The following CTNNA2 variants were observed in gnomAD, a reference collection of about 807,000 sequenced individuals.
CTNNA2 encodes catenin alpha-2.
A neutral mutation model predicts 101.0 loss-of-function variants in CTNNA2; 42 were observed. The observed-to-expected ratio is 0.42, with a 90% CI of 0.32 to 0.54. The LOEUF (loss-of-function observed/expected upper bound fraction) is 0.54. Ranked by LOEUF, CTNNA2 falls within the 20% of genes least tolerant of loss-of-function variation. CTNNA2 has a pLI of 0.14. For missense variants in CTNNA2, 871 were observed against 1,223.1 expected, an observed-to-expected ratio of 0.71 and a Z score of 4.29; for synonymous variants, 450 against 456.4, an observed-to-expected ratio of 0.99 and a Z score of 0.18.
At chr2:79,473,407 G>C (rs181109592) in intron 4 of CTNNA2, among the ~76,000 whole-genome samples, 1 of 151,542 alleles carries the variant, frequency 6.6e-6, no homozygotes, top group Non-Finnish European at 1.5e-5. Flanking sequence ...CAATCTCTCT[G>C]TCTCTCTCCC....
chr2:79,994,505 C>T (rs112274622), intron 7 of CTNNA2, among the ~76,000 whole-genome samples: 54 of 152,100 alleles, frequency 3.6e-4, no homozygotes, highest in Non-Finnish European at 6.0e-4. Flanking sequence ...ATGGCTAGCT[C>T]ACCTTCCAGA....
intron 7 of CTNNA2, among the ~76,000 whole-genome samples, chr2:80,248,264 A>T (rs1671488333): frequency 6.6e-6 from 1 of 152,150 alleles, no homozygotes; most frequent in South Asian, 2.1e-4. Context: ...ATGGAATTTT[A>T]GACTTAGTCT....
At chr2:79,895,359 G>A (rs181123404) in intron 6 of CTNNA2, among the ~76,000 whole-genome samples, 4 of 152,174 alleles carry the variant, frequency 2.6e-5, no homozygotes, top group African/African-American at 9.6e-5. Flanking sequence ...CTTGCGGCCC[G>A]TGAACACATT....
intron 7 of CTNNA2, among the ~76,000 whole-genome samples, chr2:80,274,581 A>C (rs1673748450): frequency 6.6e-6 from 1 of 152,212 alleles, no homozygotes; most frequent in Admixed American, 6.5e-5. Context: ...TTCCTAAAGA[A>C]CTAATCAAGC....
At chr2:79,617,947 T>C (rs1257598884) in intron 1 of CTNNA2, among the ~76,000 whole-genome samples, 1 of 152,166 alleles carries the variant, frequency 6.6e-6, no homozygotes, top group African/African-American at 2.4e-5. Flanking sequence ...TCAAAAAGGA[T>C]TTTGTCTCTG....
intron 7 of CTNNA2, among the ~76,000 whole-genome samples, chr2:80,316,315 G>A (rs1169261138): frequency 2.6e-5 from 4 of 152,094 alleles, no homozygotes; most frequent in African/African-American, 9.7e-5. Flanking sequence ...TAACCAGGCA[G>A]CACCATTCAG....
At chr2:80,639,729 G>T (rs1428117130) in intron 18 of CTNNA2, among the ~76,000 whole-genome samples, 2 of 152,010 alleles carry the variant, frequency 1.3e-5, no homozygotes, top group East Asian at 1.9e-4. Context: ...TCATAATATG[G>T]TATTAGTACA....
intron 3 of CTNNA2, among the ~76,000 whole-genome samples, chr2:79,810,990 G>A (rs1206953838): frequency 9.3e-5 from 14 of 151,040 alleles, no homozygotes; most frequent in East Asian, 1.9e-4. Context: ...ATAAACATAC[G>A]TGTGCATGTG....
intron 2 of CTNNA2, among the ~76,000 whole-genome samples, chr2:79,199,191 C>T (rs942864258): frequency 3.6e-4 from 55 of 152,234 alleles, no homozygotes; most frequent in African/African-American, 1.1e-3. Flanking sequence ...TTTTTCCCTA[C>T]GGGGCAAAGA....
chr2:79,869,985 A>T (rs1328526914), intron 5 of CTNNA2, 50 bp downstream of exon 5: 1 of 1,600,066 alleles, frequency 6.2e-7, no homozygotes, highest in Non-Finnish European at 8.5e-7. Context: ...GAGTTTAAAT[A>T]ACCCTGTAGC....
chr2:80,335,127 T>C (rs2149269079), intron 7 of CTNNA2, among the ~76,000 whole-genome samples: 1 of 152,308 alleles, frequency 6.6e-6, no homozygotes, highest in Admixed American at 6.5e-5. Flanking sequence ...AGTATGAGGT[T>C]AGGAAAAGAA....
At chr2:79,834,278 A>T (rs1484355124) in intron 3 of CTNNA2, among the ~76,000 whole-genome samples, 1 of 152,022 alleles carries the variant, frequency 6.6e-6, no homozygotes, top group African/African-American at 2.4e-5. Flanking sequence ...TGAGTTCTAG[A>T]GTATCTAACA....
intron 1 of CTNNA2, among the ~76,000 whole-genome samples, chr2:79,605,563 A>G (rs1329830896): frequency 6.6e-6 from 1 of 152,154 alleles, no homozygotes; most frequent in African/African-American, 2.4e-5. Flanking sequence ...GGAAAAATAC[A>G]TTGTGTACAG....
chr2:79,187,761 T>C (rs1158363348), intron 1 of CTNNA2, among the ~76,000 whole-genome samples: 1 of 152,178 alleles, frequency 6.6e-6, no homozygotes. Flanking sequence ...ATTAAAATAA[T>C]GCTCAAGAGT....
intron 7 of CTNNA2, among the ~76,000 whole-genome samples, chr2:80,347,838 C>CTTTTTTTTTTTTT (rs778989197): frequency 6.8e-6 from 1 of 146,786 alleles, no homozygotes; most frequent in Non-Finnish European, 1.5e-5. Context: ...TTTTTCTTTT[C>CTTTTTTTTTTTTT]TTTTCTTTTT....
intron 7 of CTNNA2, among the ~76,000 whole-genome samples, chr2:80,092,699 A>G (rs904115993): frequency 1.3e-5 from 2 of 152,150 alleles, no homozygotes; most frequent in African/African-American, 4.8e-5. Flanking sequence ...TCTGGGAAAC[A>G]GTAGCAGCCA....
intron 12 of CTNNA2, among the ~76,000 whole-genome samples, chr2:80,560,174 A>G (rs1573268763): frequency 6.6e-6 from 1 of 152,272 alleles, no homozygotes; most frequent in East Asian, 1.9e-4. Flanking sequence ...AGCAGATGGT[A>G]TAATTTTTAC....
intron 7 of CTNNA2, among the ~76,000 whole-genome samples, chr2:80,281,184 C>T (rs1023270760): frequency 6.6e-6 from 1 of 152,082 alleles, no homozygotes; most frequent in African/African-American, 2.4e-5. Flanking sequence ...CAGAAATGTC[C>T]CTGGATACTT....
chr2:80,460,160 G>A (rs959754344), intron 9 of CTNNA2, among the ~76,000 whole-genome samples: 6 of 152,006 alleles, frequency 3.9e-5, no homozygotes, highest in South Asian at 2.1e-4. Flanking sequence ...TATTTTGTTC[G>A]TAGAAGAAAA....
Sources: allele counts gnomAD v4.1 joint callset (sites outside exome capture counted in the v4.1 genomes callset), GRCh38; gene constraint gnomAD v4.1.1; transcripts MANE v1.5; gene names NCBI Gene and HGNC (gene_info 2026-07-23, HGNC 2026-07-21).